The following ABCB9 variants were observed in gnomAD, a reference collection of about 807,000 sequenced individuals.
ABCB9 encodes ABC-type oligopeptide transporter ABCB9.
Under a neutral mutation model 62.0 loss-of-function variants are expected in ABCB9, and 36 were observed. The ratio of observed to expected loss-of-function variants is 0.58; its 90% CI spans 0.45 to 0.77. The LOEUF is 0.77. Among genes scored for constraint, ABCB9 ranks in the 30% least tolerant of loss-of-function variants. The pLI is 0.00. For synonymous variants in ABCB9, 435 were observed against 461.4 expected, an observed-to-expected ratio of 0.94 and a Z score of 0.73; for missense variants, 943 against 1,054.7, an observed-to-expected ratio of 0.89 and a Z score of 1.47.
In ABCB9 at chr12:122,948,547, C is replaced by G. The variant is rs1043026608; in HGVS notation, c.1053+77G>C. 7 of 1,356,876 alleles carry G rather than the reference C, an allele frequency of 5.2e-6. No individual in the cohort carries two copies. The Admixed American group carries it at 2.1e-4, about 40-fold the overall frequency. 84.1% of individuals were successfully genotyped at this position (1,356,876 alleles called of 1,614,324 possible). ...CCTGTCCTTCACTAGCCCTTAGTGG[C>G]CCCCTGAGCCCCTCCTAAGGGGATG... On this transcript the variant is annotated intron_variant, in intron 5 of 11. Transcript: ENST00000280560.
At chr12:122,925,913 G>A (rs1398907287), downstream of ABCB9, among the ~76,000 whole-genome samples, 1 of 152,194 alleles carries the variant, frequency 6.6e-6, no homozygotes, top group African/African-American at 2.4e-5. Flanking sequence ...ATTCAGCCAT[G>A]AAAAGGAATA....
chr12:122,929,716 G>C lies in ABCB9; in HGVS notation c.*195C>G, dbSNP rs764321064. The C allele has an allele frequency of 1.0e-5, 14 of 1,346,854 alleles. No individual in the cohort carries two copies. The Middle Eastern group carries it at 8.4e-4, about 81-fold the overall frequency. 83.4% of individuals were successfully genotyped at this position (1,346,854 alleles called of 1,614,324 possible). On this transcript the variant is annotated 3_prime_UTR_variant, in exon 12 of 12. Coordinates refer to ENST00000280560, the MANE Select transcript of ABCB9 (RefSeq NM_019625.4). The surrounding 1 kb of genome is among the most constrained non-coding windows in gnomAD (Gnocchi z 6.0). ...TCCGTGAAGGCGTTGGCTCAGGGCA[G>C]CAGGGGTAAGGAGTGCCCTGGGAAT... is the stretch of plus-strand genomic sequence containing the variant.
Position 122,940,181 on chromosome 12 carries a change from A to G in ABCB9, c.1673T>C (p.Leu558Pro). The change falls in exon 9 of 12, where the codon CTG becomes CCG. Residue 558 changes from leucine to proline, a missense_variant. Coordinates refer to ENST00000280560, the MANE Select transcript of ABCB9 (RefSeq NM_019625.4). This position sits in a 1 kb window ranked among gnomAD's most constrained non-coding sequence, Gnocchi z 4.8. ...GTCCAGCAGCACCCGGCCCCCCTCC[A>G]GGGGGTAGAAGTTCTCCAGGATGTT... is the stretch of plus-strand genomic sequence containing the variant. Reference protein sequence around the residue: ...CVNILENFYPLEGGRVLLDGK... With the variant: ...CVNILENFYPPEGGRVLLDGK... The G allele has an allele frequency of 6.2e-7, 1 of 1,613,622 alleles. No homozygotes were observed. The highest frequency in any genetic ancestry group is 8.5e-7 in the Non-Finnish European group (1 of 1,179,844).
intron 10 of ABCB9, among the ~76,000 whole-genome samples, chr12:122,934,872 A>G (rs1178592938): frequency 1.3e-5 from 2 of 149,432 alleles, no homozygotes; most frequent in Non-Finnish European, 3.0e-5. Context: ...GGCTCTTCTC[A>G]CTCAGCATCC....
In ABCB9 at chr12:122,930,490, C is replaced by T. The variant is rs576638626; in HGVS notation, c.2041-319G>A. 2.0e-5 allele frequency among the ~76,000 whole-genome samples: 3 copies of T among 151,330 alleles called. No individual in the cohort carries two copies. In the East Asian group the frequency reaches 5.8e-4, roughly 29 times the overall value. On this transcript the variant is annotated intron_variant, in intron 11 of 11. Transcript: ENST00000280560. The surrounding 1 kb of genome is among the most constrained non-coding windows in gnomAD (Gnocchi z 4.9). Reference sequence around the variant, plus strand: ...TGGTGCGATCTCAGCTCACTGCAACCTCTGCCTCGTGGGTTCAATCGAGTC... The same window carrying T: ...TGGTGCGATCTCAGCTCACTGCAACTTCTGCCTCGTGGGTTCAATCGAGTC...
intron 1 of ABCB9, among the ~76,000 whole-genome samples, chr12:122,972,679 TTTG>T (rs2037291544): frequency 6.6e-6 from 1 of 151,832 alleles, no homozygotes; most frequent in South Asian, 2.1e-4. Flanking sequence ...CCTGGATAAT[TTTG>T]TTATATTTTT....
rs545850065 is a variant in ABCB9, at chr12:122,932,127, C to T, written c.2040+65G>A. On this transcript the variant is annotated intron_variant, in intron 11 of 11. Transcript: ENST00000280560. This position sits in a 1 kb window ranked among gnomAD's most constrained non-coding sequence, Gnocchi z 4.7. The stretch of plus-strand genomic sequence containing the variant: ...CTCTTCTCAGCATCCATCTGCTGGG[C>T]GATGGGGGCTCTGGCCACCTGGAGC... 3.5e-4 allele frequency: 539 copies of T among 1,548,816 alleles called. No individual in the cohort carries two copies. In the African/African-American group the frequency reaches 6.4e-3, roughly 18 times the overall value.
intron 1 of ABCB9, among the ~76,000 whole-genome samples, chr12:122,961,526 C>T (rs780798973): frequency 2.7e-4 from 41 of 152,148 alleles, no homozygotes; most frequent in Non-Finnish European, 4.4e-4. Context: ...CAGAGAAGAC[C>T]TCGCTGGGTA....
Position 122,932,385 on chromosome 12 carries a change from G to A in ABCB9, c.1904-57C>T. 1 of 1,510,816 alleles carries A rather than the reference G, an allele frequency of 6.6e-7. No homozygotes were observed. The highest frequency in any genetic ancestry group is 1.3e-5 in the South Asian group (1 of 79,162). The allele number at this position is 1,510,816 out of a possible 1,614,324, so 93.6% of individuals were successfully genotyped here. On this transcript the variant is annotated intron_variant, in intron 10 of 11. Coordinates refer to ENST00000280560, the MANE Select transcript of ABCB9 (RefSeq NM_019625.4). This position sits in a 1 kb window ranked among gnomAD's most constrained non-coding sequence, Gnocchi z 4.7. The stretch of plus-strand genomic sequence containing the variant: ...AATGGGTGAGGCCGGGCAGCACCGG[G>A]GAAGAGTGAGAGGCCCTGCCCTGCA...
At chr12:122,951,114 C>G (rs2036345034) in intron 2 of ABCB9, 1 of 151,188 alleles carries the variant, frequency 6.6e-6, no homozygotes, top group African/African-American at 2.4e-5. Flanking sequence ...TCCCAAAGTA[C>G]TGGGATTATA....
intron 2 of ABCB9, among the ~76,000 whole-genome samples, chr12:122,958,432 A>G (rs1197348745): frequency 1.3e-5 from 2 of 152,164 alleles, no homozygotes; most frequent in African/African-American, 4.8e-5. Context: ...CATAAGGAAA[A>G]GCTGGGAACA....
chr12:122,958,291 G>C (rs376443797), intron 2 of ABCB9, among the ~76,000 whole-genome samples: 2 of 151,820 alleles, frequency 1.3e-5, no homozygotes, highest in Non-Finnish European at 2.9e-5. Flanking sequence ...ATATTATGAA[G>C]CCAAATAAAA....
Position 122,952,035 on chromosome 12 carries a change from G to A in ABCB9, c.602-1470C>T, listed in dbSNP as rs537972854. 7.2e-5 allele frequency: 11 copies of A among 152,510 alleles called. No individual in the cohort carries two copies. In the South Asian group the frequency reaches 2.2e-3, roughly 31 times the overall value. 9.4% of individuals were successfully genotyped at this position (152,510 alleles called of 1,614,324 possible). A position where few individuals can be genotyped will look rare whatever the true frequency, so the allele number is the denominator to read the frequency against. ...GCCATCTCTCGCCCTTCCACCTTCT[G>A]CAGCGTGAGGACACAGCAGTCTTCC... On this transcript the variant is annotated intron_variant, in intron 2 of 11. Transcript: ENST00000280560.
Position 122,940,772 on chromosome 12 carries a change from G to C in ABCB9, c.1569+35C>G. ...TGCACCAGAAATGGGGTGACGGAAA[G>C]GCTGATTCTGGCAGGCCTCAAGCCG... is the stretch of plus-strand genomic sequence containing the variant. On this transcript the variant is annotated intron_variant, in intron 8 of 11. Transcript: ENST00000280560. The surrounding 1 kb of genome is among the most constrained non-coding windows in gnomAD (Gnocchi z 4.8). The C allele has an allele frequency of 2.6e-6, 4 of 1,532,266 alleles. No individual in the cohort carries two copies. Among genetic ancestry groups the C allele is most frequent in the Non-Finnish European group, 3.5e-6 (4 of 1,131,668 alleles). The allele number at this position is 1,532,266 out of a possible 1,614,324, so 94.9% of individuals were successfully genotyped here. A position where few individuals can be genotyped will look rare whatever the true frequency, so the allele number is the denominator to read the frequency against.
downstream of ABCB9, among the ~76,000 whole-genome samples, chr12:122,925,819 TAGCCCAAAGGTGGAAAC>T: frequency 2.6e-5 from 4 of 152,284 alleles, no homozygotes; most frequent in Middle Eastern, 0.01. Flanking sequence ...CTATTCACAA[TAGCCCAAAGGTGGAAAC>T]AGCCCAAATA....
chr12:122,933,510 C>T (rs377396584), intron 10 of ABCB9, among the ~76,000 whole-genome samples: 189 of 151,578 alleles, frequency 1.2e-3, no homozygotes, highest in African/African-American at 4.3e-3. Flanking sequence ...GCCGAGATCG[C>T]GCCACTGCAC....
At chr12:122,945,877 CAA>C (rs766455584) in intron 6 of ABCB9, 146 bp downstream of exon 6, 25,582 of 430,542 alleles carry the variant, frequency 0.059, no homozygotes, top group Middle Eastern at 0.083. Context: ...GGCTCTGTCT[CAA>C]AAAAAAAAAA....
intron 1 of ABCB9, among the ~76,000 whole-genome samples, chr12:122,962,336 A>G (rs183190388): frequency 4.5e-4 from 68 of 152,116 alleles, no homozygotes; most frequent in Admixed American, 1.2e-3. Context: ...TTTTGTTGTC[A>G]TATCTGCAAA....
chr12:122,919,126 C>G (rs753945628), downstream of ABCB9, among the ~76,000 whole-genome samples: 1 of 152,168 alleles, frequency 6.6e-6, no homozygotes, highest in Non-Finnish European at 1.5e-5. Flanking sequence ...CCACGGTTTG[C>G]AGTTTGTTTA....
Sources: allele counts gnomAD v4.1 joint callset (sites outside exome capture counted in the v4.1 genomes callset), GRCh38; gene constraint gnomAD v4.1.1; non-coding constraint Gnocchi (gnomAD v3.1); transcripts MANE v1.5; gene names NCBI Gene and HGNC (gene_info 2026-07-23, HGNC 2026-07-21).